GAREM1: variants seen among roughly 807,000 people sequenced by gnomAD.
GAREM1 encodes GRB2 associated regulator of MAPK1 subtype 1.
In GAREM1, 26 loss-of-function variants were observed where a neutral mutation model predicts 71.3. The observed-to-expected ratio is 0.36, with a 90% confidence interval of 0.27 to 0.51. The LOEUF is 0.51. GAREM1 is among the 20% of genes least tolerant of loss of function. The pLI is 0.95. For missense variants in GAREM1, 1,026 were observed against 1,103.1 expected (o/e 0.93, Z 0.99); for synonymous variants, 440 against 433.2 (o/e 1.02, Z -0.20).
At chr18:32,384,010 C>A (rs2048121007) in intron 2 of GAREM1, among the ~76,000 whole-genome samples, 1 of 152,126 alleles carries the variant, frequency 6.6e-6, no homozygotes, top group South Asian at 2.1e-4. Context: ...TGTATTTGCT[C>A]ATATTCTCCC....
rs1372022523 is a variant in GAREM1 at position 32,393,031 on chromosome 18, C to A, written c.126G>T (p.Glu42Asp). ...CATTTTCCCGCAGCCCTTCTACGCACTCTCCTAGGAAATACAATTTTATAT... is the reference window on the plus strand; with the variant it reads ...CATTTTCCCGCAGCCCTTCTACGCAATCTCCTAGGAAATACAATTTTATAT... Reference protein sequence around the residue: ...LPQIARLDNGECVEGLRENDY... With the variant: ...LPQIARLDNGDCVEGLRENDY... The change falls in exon 2 of 6, where the codon GAG (glutamate) becomes GAT (aspartate). Residue 42 changes from glutamate (E) to aspartate (D), a missense_variant. By Grantham distance (45) the Glu-to-Asp change is conservative. This residue lies in a region of GAREM1 where 172 missense variants were observed against 175.2 expected (regional missense o/e 0.98). Coordinates refer to ENST00000269209, the MANE Select transcript of GAREM1 (RefSeq NM_001242409.2). 6.2e-7 allele frequency: 1 copy of A among 1,613,556 alleles called. No homozygotes were observed. Among genetic ancestry groups the A allele is most frequent in the South Asian group, 1.1e-5 (1 of 91,048 alleles).
chr18:32,397,091 C>G (rs1461513361), intron 1 of GAREM1, among the ~76,000 whole-genome samples: 1 of 152,156 alleles, frequency 6.6e-6, no homozygotes, highest in East Asian at 1.9e-4. Flanking sequence ...ACTTTACAGA[C>G]AAGCAAATGC....
rs372844768 is a variant in GAREM1 at position 32,303,396 on chromosome 18, T to G, written c.393+6797A>C. On this transcript the variant is annotated intron_variant, in intron 3 of 5. Coordinates refer to ENST00000269209, the MANE Select transcript of GAREM1 (RefSeq NM_001242409.2). The stretch of plus-strand genomic sequence containing the variant: ...GATAGAGCTTAAATTAAAACTTAAT[T>G]TGTTAGTCATTATTTTGATGGCAGG... 5.9e-5 allele frequency among the ~76,000 whole-genome samples: 9 copies of G among 152,264 alleles called. No homozygotes were observed. In the East Asian group the frequency reaches 9.6e-4, roughly 16 times the overall value.
In GAREM1 at chr18:32,462,706, T is replaced by C. The variant is rs188375200; in HGVS notation, c.121+7602A>G. 5.8e-4 allele frequency among the ~76,000 whole-genome samples: 88 copies of C among 152,366 alleles called. 1 individual carries two copies. Among genetic ancestry groups the C allele is most frequent in the African/African-American group, 2.1e-3 (87 of 41,586 alleles). ...GCCTAGTCTAATGTCATAAAGTGTTTCTACTATGTTTTCTTCCATGAGTAG... is the reference window on the plus strand; with the variant it reads ...GCCTAGTCTAATGTCATAAAGTGTTCCTACTATGTTTTCTTCCATGAGTAG... On this transcript the variant is annotated intron_variant, in intron 1 of 5. Transcript: ENST00000269209.
chr18:32,442,087 T>C (rs1274664342), intron 1 of GAREM1, among the ~76,000 whole-genome samples: 1 of 152,138 alleles, frequency 6.6e-6, no homozygotes, highest in Non-Finnish European at 1.5e-5. Context: ...ATGAAAAACA[T>C]TATTGATCTA....
intron 1 of GAREM1, among the ~76,000 whole-genome samples, chr18:32,398,732 AG>A (rs1479595512): frequency 6.6e-6 from 1 of 152,184 alleles, no homozygotes; most frequent in African/African-American, 2.4e-5. Flanking sequence ...GAATTCTACC[AG>A]AGGTACAAGG....
At chr18:32,443,495 CAA>C (rs2048759803) in intron 1 of GAREM1, among the ~76,000 whole-genome samples, 1 of 152,032 alleles carries the variant, frequency 6.6e-6, no homozygotes, top group Non-Finnish European at 1.5e-5. Context: ...ACCATTTATC[CAA>C]AGAAGATACA....
In GAREM1 at chr18:32,364,028, G is replaced by GTTTTTTTTTTTTTTTTTTTTT. The variant is rs1157200391; in HGVS notation, c.262+28846_262+28866dup. Among the ~76,000 whole-genome samples the GTTTTTTTTTTTTTTTTTTTTT allele has an allele frequency of 8.3e-4, 18 of 21,668 alleles. 2 individuals are homozygous for GTTTTTTTTTTTTTTTTTTTTT. The highest frequency in any genetic ancestry group is 2.0e-3 in the African/African-American group (11 of 5,616). The allele number at this position is 21,668 out of a possible 152,430, so 14.2% of individuals were successfully genotyped here. On this transcript the variant is annotated intron_variant, in intron 2 of 5. Transcript: ENST00000269209. Reference sequence around the variant, plus strand: ...TATATATATATATATATATATATATGTTTTTTTTTTTTTTTTTTTTTTGTG... The same window carrying GTTTTTTTTTTTTTTTTTTTTT: ...TATATATATATATATATATATATATGTTTTTTTTTTTTTTTTTTTTTTTTTTTTTTTTTTTTTTTTTTTGTG...
chr18:32,416,191 A>G (rs149430126), intron 1 of GAREM1, among the ~76,000 whole-genome samples: 1 of 152,242 alleles, frequency 6.6e-6, no homozygotes, highest in African/African-American at 2.4e-5. Flanking sequence ...TACAATGAAA[A>G]CTATAAAACA....
At chr18:32,350,953 T>C (rs191796549) in intron 2 of GAREM1, among the ~76,000 whole-genome samples, 1 of 152,320 alleles carries the variant, frequency 6.6e-6, no homozygotes, top group Admixed American at 6.5e-5. Context: ...TGCCCATTTT[T>C]AATTAGGAAG....
chr18:32,412,065 T>C, intron 1 of GAREM1: 3 of 703,014 alleles, frequency 4.3e-6, no homozygotes, highest in Non-Finnish European at 7.7e-6. Flanking sequence ...TTTTTGCCCA[T>C]ACACATGAGT....
At chr18:32,397,802 C>A (rs2048272350) in intron 1 of GAREM1, among the ~76,000 whole-genome samples, 1 of 152,138 alleles carries the variant, frequency 6.6e-6, no homozygotes, top group South Asian at 2.1e-4. Flanking sequence ...CTCAGCTCTG[C>A]ACCAAGCGGA....
intron 2 of GAREM1, among the ~76,000 whole-genome samples, chr18:32,319,048 A>G (rs1461804471): frequency 6.6e-6 from 1 of 152,256 alleles, no homozygotes; most frequent in African/African-American, 2.4e-5. Flanking sequence ...CTCCAGCATC[A>G]TACCACACAT....
intron 1 of GAREM1, among the ~76,000 whole-genome samples, chr18:32,397,737 C>A (rs1395681930): frequency 1.3e-5 from 2 of 152,160 alleles, no homozygotes; most frequent in Non-Finnish European, 2.9e-5. Context: ...CAACATTAGA[C>A]AGATAGAGAC....
Position 32,310,214 on chromosome 18 carries a change from C to T in GAREM1, c.372G>A (p.Glu124=). 1 of 1,614,088 alleles carries T rather than the reference C, an allele frequency of 6.2e-7. No homozygotes were observed. The highest frequency in any genetic ancestry group is 8.5e-7 in the Non-Finnish European group (1 of 1,179,990). ...KAFPERVYVM[E]DITFNVKVAS... Reference sequence around the variant, plus strand: ...CTACCTTCACGTTGAATGTGATATCCTCCATGACGTACACGCGTTCAGGAA... The same window carrying T: ...CTACCTTCACGTTGAATGTGATATCTTCCATGACGTACACGCGTTCAGGAA... Residue 124 remains glutamate, a synonymous_variant, in exon 3 of 6, where the codon GAG becomes GAA. Coordinates refer to ENST00000269209, the MANE Select transcript of GAREM1 (RefSeq NM_001242409.2).
intron 2 of GAREM1, among the ~76,000 whole-genome samples, chr18:32,349,176 AC>A (rs1161265924): frequency 2.0e-5 from 3 of 152,210 alleles, no homozygotes; most frequent in African/African-American, 7.2e-5. Context: ...TTTATTTTAA[AC>A]CTTTGTTCTA....
rs116078529 is a variant in GAREM1, at chr18:32,439,165, C to T, written c.121+31143G>A. On this transcript the variant is annotated intron_variant, in intron 1 of 5. Coordinates refer to ENST00000269209, the MANE Select transcript of GAREM1 (RefSeq NM_001242409.2). ...GGATCCTCAAGACAAACACCAAGACCGAGGCTCTGAAGGCTTGCTGGGCAC... is the reference window on the plus strand; with the variant it reads ...GGATCCTCAAGACAAACACCAAGACTGAGGCTCTGAAGGCTTGCTGGGCAC... Among the ~76,000 whole-genome samples the T allele has an allele frequency of 3.8e-3, 576 of 152,224 alleles. 2 individuals carry two copies. Among genetic ancestry groups the T allele is most frequent in the African/African-American group, 0.013 (542 of 41,546 alleles).
chr18:32,439,926 T>G (rs2048717384), intron 1 of GAREM1, among the ~76,000 whole-genome samples: 1 of 152,136 alleles, frequency 6.6e-6, no homozygotes, highest in Non-Finnish European at 1.5e-5. Context: ...CTGCCTCCCA[T>G]TCCTCATCCC....
intron 1 of GAREM1, among the ~76,000 whole-genome samples, chr18:32,418,871 C>A (rs74501521): frequency 0.016 from 2,439 of 152,242 alleles, 75 homozygotes; most frequent in African/African-American, 0.056. Flanking sequence ...AGAAGGATAA[C>A]GTGTTAGTTT....
Sources: gnomAD v4.1 joint callset for allele counts (sites outside exome capture counted in the v4.1 genomes callset) on GRCh38, gnomAD v4.1.1 for gene constraint, gnomAD v4.1.1 regional missense constraint, MANE v1.5 for transcripts, NCBI Gene and HGNC (gene_info 2026-07-23, HGNC 2026-07-21) for gene names.